The following IL1RAPL2 variants were observed in gnomAD, a reference collection of about 807,000 sequenced individuals.
The protein encoded by IL1RAPL2 is X-linked interleukin-1 receptor accessory protein-like 2.
A neutral mutation model predicts 44.1 loss-of-function variants in IL1RAPL2; 3 were observed. The observed-to-expected ratio is 0.07, with a 90% CI of 0.03 to 0.18. The LOEUF is 0.18. IL1RAPL2 is among the 10% of genes least tolerant of loss of function. The pLI, the probability that IL1RAPL2 is intolerant of heterozygous loss-of-function variation, is 1.00. For synonymous variants in IL1RAPL2, 181 were observed against 178.8 expected (o/e 1.01, Z -0.10); for missense variants, 391 against 496.4 (o/e 0.79, Z 2.02).
At chrX:104,736,338 T>A (rs1453431314) in intron 2 of IL1RAPL2, among the ~76,000 whole-genome samples, 2 of 112,347 alleles carry the variant, frequency 1.8e-5, no homozygotes, top group Non-Finnish European at 3.8e-5. Flanking sequence ...TAAGTCTTTT[T>A]GACTCCTTGT....
intron 3 of IL1RAPL2, among the ~76,000 whole-genome samples, chrX:105,229,820 C>T (rs1270003035): frequency 3.6e-5 from 4 of 111,542 alleles, no homozygotes; most frequent in African/African-American, 1.3e-4. Flanking sequence ...TTTTTTGAGA[C>T]AGAGTCTCAC....
chrX:105,352,673 G>A (rs2035165501), intron 5 of IL1RAPL2, among the ~76,000 whole-genome samples: 1 of 109,392 alleles, frequency 9.1e-6, no homozygotes, highest in Non-Finnish European at 1.9e-5. Flanking sequence ...GCATTTCTCT[G>A]ATGGCCAGTG....
chrX:105,657,589 A>G (rs2037685210), intron 6 of IL1RAPL2, among the ~76,000 whole-genome samples: 1 of 111,928 alleles, frequency 8.9e-6, no homozygotes. Flanking sequence ...GTGGTGTACT[A>G]AAAGACCTGA....
At chrX:104,940,577 G>C (rs189666776) in intron 2 of IL1RAPL2, among the ~76,000 whole-genome samples, 1 of 110,536 alleles carries the variant, frequency 9.0e-6, no homozygotes, top group Non-Finnish European at 1.9e-5. Context: ...CTTATTTGGG[G>C]GTTTATTGTG....
At chrX:104,948,315 G>C (rs1192812396) in intron 2 of IL1RAPL2, among the ~76,000 whole-genome samples, 2 of 109,048 alleles carry the variant, frequency 1.8e-5, no homozygotes, top group African/African-American at 6.7e-5. Flanking sequence ...AGGAGATTTT[G>C]GGCTGAGACA....
At chrX:105,521,867 G>A (rs2036561073) in intron 6 of IL1RAPL2, among the ~76,000 whole-genome samples, 1 of 112,307 alleles carries the variant, frequency 8.9e-6, no homozygotes, top group South Asian at 3.7e-4. Flanking sequence ...AAGAGACCCT[G>A]TCTGTATAAC....
chrX:104,578,124 A>C (rs1448290702), intron 1 of IL1RAPL2, among the ~76,000 whole-genome samples: 24 of 111,938 alleles, frequency 2.1e-4, no homozygotes, highest in African/African-American at 5.9e-4. Context: ...AACATAACAA[A>C]CACCCACATC....
chrX:104,670,300 G>T (rs1002302925), intron 2 of IL1RAPL2, among the ~76,000 whole-genome samples: 1 of 111,531 alleles, frequency 9.0e-6, no homozygotes, highest in East Asian at 2.9e-4. Context: ...ACGTCCAAGA[G>T]TGGGAAGCAT....
At chrX:105,668,064 T>G (rs1602511158) in intron 6 of IL1RAPL2, among the ~76,000 whole-genome samples, 1 of 78,631 alleles carries the variant, frequency 1.3e-5, no homozygotes, top group Admixed American at 1.5e-4. Context: ...GTGGGGGGAA[T>G]GGGTTGTATG....
intron 2 of IL1RAPL2, among the ~76,000 whole-genome samples, chrX:104,878,400 A>T (rs779084676): frequency 8.9e-6 from 1 of 112,010 alleles, no homozygotes; most frequent in Non-Finnish European, 1.9e-5. Context: ...CCTCACAACA[A>T]CCCAATAAGG....
intron 2 of IL1RAPL2, among the ~76,000 whole-genome samples, chrX:105,056,071 A>T (rs1436171695): frequency 8.9e-6 from 1 of 112,182 alleles, no homozygotes; most frequent in East Asian, 2.8e-4. Context: ...TGAAAGAAAA[A>T]AATGACAGCT....
chrX:105,428,400 A>G (rs2035825751), intron 5 of IL1RAPL2, among the ~76,000 whole-genome samples: 1 of 111,451 alleles, frequency 9.0e-6, no homozygotes, highest in Non-Finnish European at 1.9e-5. Context: ...TCCAAATGAC[A>G]TTTGCATTGA....
chrX:105,425,276 T>G (rs922043161), intron 5 of IL1RAPL2, among the ~76,000 whole-genome samples: 11 of 110,633 alleles, frequency 9.9e-5, no homozygotes, highest in Non-Finnish European at 1.9e-4. Flanking sequence ...AATGTCATCT[T>G]CTAAATTAAG....
At chrX:105,181,604 A>C (rs1602995616) in intron 2 of IL1RAPL2, among the ~76,000 whole-genome samples, 1 of 111,914 alleles carries the variant, frequency 8.9e-6, no homozygotes, top group African/African-American at 3.2e-5. Flanking sequence ...GAACAACTTC[A>C]TGCATTTGTA....
rs186467096 is a variant in IL1RAPL2 at position 105,076,931 on chromosome X, G to T, written c.83-118544G>T. On this transcript the variant is annotated intron_variant, in intron 2 of 10. Coordinates refer to ENST00000372582, the MANE Select transcript of IL1RAPL2 (RefSeq NM_017416.2). ...CTCCATCCCTTTATTTTGAGTCTAT[G>T]TGTGTCTCTGCGTGTGAGATGGGGT... 1.6e-3 allele frequency among the ~76,000 whole-genome samples: 176 copies of T among 110,738 alleles called. 1 individual carries two copies. Among genetic ancestry groups the T allele is most frequent in the African/African-American group, 5.5e-3 (168 of 30,404 alleles).
intron 2 of IL1RAPL2, among the ~76,000 whole-genome samples, chrX:104,798,515 AAT>A (rs1345134293): frequency 2.6e-4 from 28 of 109,285 alleles, no homozygotes; most frequent in African/African-American, 7.7e-4. Flanking sequence ...AAAAAAAAAA[AAT>A]TAGCCAGGCG....
chrX:104,594,065 C>T (rs925709582), intron 1 of IL1RAPL2, among the ~76,000 whole-genome samples: 37 of 112,281 alleles, frequency 3.3e-4, no homozygotes, highest in African/African-American at 1.2e-3. Flanking sequence ...CCAACAAATA[C>T]TTATAGAAGG....
At chrX:104,905,910 A>G (rs1223695278) in intron 2 of IL1RAPL2, among the ~76,000 whole-genome samples, 2 of 110,262 alleles carry the variant, frequency 1.8e-5, no homozygotes, top group African/African-American at 6.6e-5. Flanking sequence ...GGCCATTTTC[A>G]TGATATTGAT....
intron 2 of IL1RAPL2, among the ~76,000 whole-genome samples, chrX:104,698,457 G>A (rs1931216456): frequency 8.9e-6 from 1 of 111,879 alleles, no homozygotes; most frequent in African/African-American, 3.2e-5. Flanking sequence ...CTCCTTAATG[G>A]CTCTGTTGAA....
Sources: gnomAD v4.1 joint callset for allele counts (sites outside exome capture counted in the v4.1 genomes callset) on GRCh38, gnomAD v4.1.1 for gene constraint, MANE v1.5 for transcripts, NCBI Gene and HGNC (gene_info 2026-07-23, HGNC 2026-07-21) for gene names.